The following ARL15 variants were observed in gnomAD, a reference collection of about 807,000 sequenced individuals.
ARL15 encodes ARF like GTPase 15.
In ARL15, 19 loss-of-function variants were observed where a neutral mutation model predicts 25.2. The observed-to-expected ratio is 0.75, with a 90% CI of 0.53 to 1.10. ARL15 has a LOEUF of 1.10. Ranked by LOEUF, ARL15 falls within the 50% of genes least tolerant of loss-of-function variation. The pLI is 0.00. For synonymous variants in ARL15, 94 were observed against 86.8 expected (o/e 1.08, Z -0.46); for missense variants, 220 against 246.0 (o/e 0.89, Z 0.71).
chr5:53,973,035 C>T (rs1210012146), intron 4 of ARL15, among the ~76,000 whole-genome samples: 1 of 152,076 alleles, frequency 6.6e-6, no homozygotes, highest in Non-Finnish European at 1.5e-5. Context: ...TTACTTGGAG[C>T]AACTGCTATA....
chr5:54,029,322 ACCACCACCACTAC>A (rs1749891114), intron 4 of ARL15, among the ~76,000 whole-genome samples: 22 of 118,282 alleles, frequency 1.9e-4, no homozygotes, highest in South Asian at 5.5e-4. Context: ...CACCACCACC[ACCACCACCACTAC>A]CACCACCACC....
intron 1 of ARL15, among the ~76,000 whole-genome samples, chr5:54,199,170 T>A (rs926917823): frequency 6.6e-6 from 1 of 152,072 alleles, no homozygotes. Flanking sequence ...AGACTTAAAC[T>A]TTAGACCTAA....
At chr5:53,929,199 C>T (rs953094818) in intron 4 of ARL15, among the ~76,000 whole-genome samples, 3 of 150,444 alleles carry the variant, frequency 2.0e-5, no homozygotes, top group African/African-American at 4.9e-5. Flanking sequence ...CATAAAAGCA[C>T]GCAGATTGGT....
At chr5:54,225,345 T>TA (rs1461985428) in intron 1 of ARL15, among the ~76,000 whole-genome samples, 1 of 152,202 alleles carries the variant, frequency 6.6e-6, no homozygotes, top group East Asian at 1.9e-4. Flanking sequence ...ATAAATGTAC[T>TA]AAGCATTAAC....
At chr5:53,888,061 G>C (rs753948288) in intron 4 of ARL15, among the ~76,000 whole-genome samples, 17 of 151,670 alleles carry the variant, frequency 1.1e-4, no homozygotes, top group Non-Finnish European at 8.8e-5. Context: ...ATCAATGTCT[G>C]AAAGTTCATA....
intron 2 of ARL15, among the ~76,000 whole-genome samples, chr5:54,156,950 A>G (rs2112355704): frequency 6.6e-6 from 1 of 152,338 alleles, no homozygotes; most frequent in East Asian, 1.9e-4. Context: ...ACAGAAATTC[A>G]CCTGCAGGAG....
chr5:53,929,901 G>T (rs547760928), intron 4 of ARL15, among the ~76,000 whole-genome samples: 1 of 152,292 alleles, frequency 6.6e-6, no homozygotes, highest in African/African-American at 2.4e-5. Context: ...TTTAGTGTGG[G>T]CACACTTGCT....
At chr5:54,064,742 A>C (rs949344004) in intron 4 of ARL15, among the ~76,000 whole-genome samples, 2 of 152,172 alleles carry the variant, frequency 1.3e-5, no homozygotes, top group Admixed American at 6.5e-5. Flanking sequence ...AAAAAAAAAA[A>C]ACATTTACTT....
intron 1 of ARL15, among the ~76,000 whole-genome samples, chr5:54,235,786 A>G (rs1756787959): frequency 6.6e-6 from 1 of 152,178 alleles, no homozygotes. Flanking sequence ...TAAAGTATTA[A>G]CATTTGTTAT....
chr5:54,224,139 C>T (rs1211213629), intron 1 of ARL15, among the ~76,000 whole-genome samples: 3 of 152,014 alleles, frequency 2.0e-5, no homozygotes, highest in African/African-American at 4.8e-5. Context: ...TGAGGAGGAG[C>T]GAAGGCAATC....
chr5:54,274,463 A>C (rs1757872178), intron 1 of ARL15, among the ~76,000 whole-genome samples: 1 of 152,222 alleles, frequency 6.6e-6, no homozygotes, highest in South Asian at 2.1e-4. Context: ...TTACTGTAAA[A>C]ATAGAAATTA....
At chr5:54,037,411 G>C (rs192859196) in intron 4 of ARL15, among the ~76,000 whole-genome samples, 120 of 152,078 alleles carry the variant, frequency 7.9e-4, no homozygotes, top group African/African-American at 2.9e-3. Context: ...GACCAATACA[G>C]AAAATGTAGT....
At chr5:53,962,266 A>C (rs1439025074) in intron 4 of ARL15, among the ~76,000 whole-genome samples, 1 of 152,190 alleles carries the variant, frequency 6.6e-6, no homozygotes, top group African/African-American at 2.4e-5. Context: ...GTATGATGTA[A>C]ATATAAATTA....
intron 1 of ARL15, among the ~76,000 whole-genome samples, chr5:54,173,702 C>T (rs1363921579): frequency 2.0e-5 from 3 of 152,112 alleles, no homozygotes; most frequent in Admixed American, 6.6e-5. Flanking sequence ...CTCCACATTG[C>T]AGTGACTGGA....
chr5:54,042,010 G>A lies in ARL15; in HGVS notation c.462+71192C>T, dbSNP rs562954743. Among the ~76,000 whole-genome samples, 793 of 149,572 alleles carry A rather than the reference G, an allele frequency of 5.3e-3. 3 individuals carry two copies. Among genetic ancestry groups the A allele is most frequent in the Admixed American group, 0.012 (172 of 14,898 alleles). ...TTTTGAGACGGAGTCTCGCTTTGTCGCCCAGGCTGGAGTGCAGTGGCACGA... is the reference window on the plus strand; with the variant it reads ...TTTTGAGACGGAGTCTCGCTTTGTCACCCAGGCTGGAGTGCAGTGGCACGA... On this transcript the variant is annotated intron_variant, in intron 4 of 4. Coordinates refer to ENST00000504924, the MANE Select transcript of ARL15 (RefSeq NM_019087.3).
chr5:54,310,513 C>G lies in ARL15; in HGVS notation c.-34G>C. ...CTAAAGCATCCGGAACGGCTCCGAA[C>G]CCGGAAAAAAAAAGCAGCGTCTCTG... On this transcript the variant is annotated 5_prime_UTR_variant, in exon 1 of 5. Coordinates refer to ENST00000504924, the MANE Select transcript of ARL15 (RefSeq NM_019087.3). 6.3e-7 allele frequency: 1 copy of G among 1,578,336 alleles called. No homozygotes were observed. Among genetic ancestry groups the G allele is most frequent in the Non-Finnish European group, 8.6e-7 (1 of 1,163,638 alleles).
At chr5:54,088,895 C>A (rs1340838698) in intron 4 of ARL15, among the ~76,000 whole-genome samples, 1 of 152,162 alleles carries the variant, frequency 6.6e-6, no homozygotes, top group Non-Finnish European at 1.5e-5. Flanking sequence ...CAATGACCTA[C>A]AAATTGAGCT....
Position 53,886,497 on chromosome 5 carries a change from T to A in ARL15, c.*64A>T. On this transcript the variant is annotated 3_prime_UTR_variant, in exon 5 of 5. Transcript: ENST00000504924. ...ATATAGTCTTGATACCAAAATAAAATTAAAATGAGAAACTAACATGATAGG... is the reference window on the plus strand; with the variant it reads ...ATATAGTCTTGATACCAAAATAAAAATAAAATGAGAAACTAACATGATAGG... 6.7e-7 allele frequency: 1 copy of A among 1,496,072 alleles called. No homozygotes were observed. The highest frequency in any genetic ancestry group is 8.9e-7 in the Non-Finnish European group (1 of 1,123,802). 92.7% of individuals were successfully genotyped at this position (1,496,072 alleles called of 1,614,324 possible).
chr5:54,000,863 T>A (rs1381193457), intron 4 of ARL15, among the ~76,000 whole-genome samples: 1 of 152,156 alleles, frequency 6.6e-6, no homozygotes. Context: ...GAATCACCCC[T>A]GTACCCAGGG....
Sources: gnomAD v4.1 joint callset for allele counts (sites outside exome capture counted in the v4.1 genomes callset) on GRCh38, gnomAD v4.1.1 for gene constraint, MANE v1.5 for transcripts, NCBI Gene and HGNC (gene_info 2026-07-23, HGNC 2026-07-21) for gene names.